Variants in GPR160 observed in about 807,000 individuals in gnomAD.
GPR160 encodes G protein-coupled receptor 160.
A neutral mutation model predicts 2.6 loss-of-function variants in GPR160; 2 were observed. The ratio of observed to expected loss-of-function variants is 0.77; its 90% CI spans 0.32 to 2.44. The LOEUF (loss-of-function observed/expected upper bound fraction) is 2.44. GPR160 is among the 30% of genes most tolerant of loss of function. The pLI, the probability that GPR160 is intolerant of heterozygous loss-of-function variation, is 0.11. For synonymous variants in GPR160, 130 were observed against 132.2 expected, an observed-to-expected ratio of 0.98 and a Z score of 0.12; for missense variants, 351 against 383.6, an observed-to-expected ratio of 0.91 and a Z score of 0.71.
chr3:170,046,736 A>G (rs1716737297), intron 2 of GPR160, among the ~76,000 whole-genome samples: 1 of 152,100 alleles, frequency 6.6e-6, no homozygotes, highest in Admixed American at 6.5e-5. Context: ...ATCTGGTTTG[A>G]TCTTTAAACT....
At position 170,085,078 on chromosome 3, in the gene GPR160, A is replaced by AAAC. The variant is rs200687969; in HGVS notation, c.*93_*95dup. ...ACATATTAAAAAATAAACTGAACTA[A>AAAC]AACAACTTTTGCCCCCTGACTGATA... On this transcript the variant is annotated 3_prime_UTR_variant, in exon 4 of 4. Coordinates refer to ENST00000355897, the MANE Select transcript of GPR160 (RefSeq NM_014373.3). 1.5e-6 allele frequency: 1 copy of AAAC among 674,644 alleles called. No homozygotes were observed. Among genetic ancestry groups the AAAC allele is most frequent in the African/African-American group, 1.9e-5 (1 of 52,960 alleles). 41.8% of individuals were successfully genotyped at this position (674,644 alleles called of 1,614,324 possible). A position where few individuals can be genotyped will look rare whatever the true frequency, so the allele number is the denominator to read the frequency against.
At position 170,085,166 on chromosome 3, in the gene GPR160, A is replaced by G; in HGVS notation, c.*177A>G. The stretch of plus-strand genomic sequence containing the variant: ...AGTTATTAAATAGTGTTTTATTTTA[A>G]AAACAAAATAATTCCAAGAAGTTTT... On this transcript the variant is annotated 3_prime_UTR_variant, in exon 4 of 4. Transcript: ENST00000355897. 2.5e-6 allele frequency: 1 copy of G among 406,644 alleles called. No homozygotes were observed. 25.2% of individuals were successfully genotyped at this position (406,644 alleles called of 1,614,324 possible). A position where few individuals can be genotyped will look rare whatever the true frequency, so the allele number is the denominator to read the frequency against.
intron 2 of GPR160, among the ~76,000 whole-genome samples, chr3:170,053,131 A>G (rs1717031017): frequency 1.3e-5 from 2 of 152,204 alleles, no homozygotes; most frequent in South Asian, 4.1e-4. Context: ...TTGTATTTTC[A>G]TATATATTTT....
intron 2 of GPR160, among the ~76,000 whole-genome samples, chr3:170,073,723 T>C (rs1381628247): frequency 6.6e-6 from 1 of 152,162 alleles, no homozygotes; most frequent in Non-Finnish European, 1.5e-5. Flanking sequence ...GTCTTTGGTA[T>C]CAAGGTAATT....
intron 2 of GPR160, among the ~76,000 whole-genome samples, chr3:170,076,755 G>T (rs953928514): frequency 6.6e-6 from 1 of 152,104 alleles, no homozygotes; most frequent in Admixed American, 6.5e-5. Flanking sequence ...TGTTGACCAG[G>T]CTGGTCTTGA....
intron 2 of GPR160, among the ~76,000 whole-genome samples, chr3:170,044,075 G>A (rs965177880): frequency 3.3e-5 from 5 of 151,292 alleles, no homozygotes; most frequent in African/African-American, 1.2e-4. Flanking sequence ...AAATGGGAAA[G>A]ACACTTTGGG....
At chr3:170,072,923 T>C (rs1334601508) in intron 2 of GPR160, among the ~76,000 whole-genome samples, 1 of 152,214 alleles carries the variant, frequency 6.6e-6, no homozygotes, top group East Asian at 1.9e-4. Context: ...AGCTCATGCT[T>C]GTAATTCCAG....
intron 2 of GPR160, among the ~76,000 whole-genome samples, chr3:170,071,595 C>G (rs760453784): frequency 6.6e-5 from 10 of 151,998 alleles, no homozygotes; most frequent in Non-Finnish European, 1.2e-4. Context: ...GAATTCAAGA[C>G]CAGCTAGCCA....
intron 2 of GPR160, among the ~76,000 whole-genome samples, chr3:170,079,129 T>G (rs1052615036): frequency 6.6e-6 from 1 of 152,250 alleles, no homozygotes; most frequent in Non-Finnish European, 1.5e-5. Context: ...TTCGGCATTA[T>G]GTCTGTACTG....
chr3:170,043,782 C>T (rs776425851), intron 2 of GPR160, among the ~76,000 whole-genome samples: 2 of 151,820 alleles, frequency 1.3e-5, no homozygotes, highest in Non-Finnish European at 2.9e-5. Context: ...GATGTTCTGT[C>T]GGGCCAGCAT....
rs148011885 is a variant in GPR160, at chr3:170,070,406, T to C, written c.-192-9368T>C. Among the ~76,000 whole-genome samples, 197 of 152,364 alleles carry C rather than the reference T, an allele frequency of 1.3e-3. 2 individuals carry two copies. The highest frequency in any genetic ancestry group is 4.5e-3 in the African/African-American group (189 of 41,592). On this transcript the variant is annotated intron_variant, in intron 2 of 3. Transcript: ENST00000355897. ...TTTTTTGGCAAGCCCACTTTGTAGA[T>C]AGCAAGGTACTCTTCAATTTCCACC...
At chr3:170,082,244 A>G (rs1043233782) in intron 3 of GPR160, among the ~76,000 whole-genome samples, 2 of 152,208 alleles carry the variant, frequency 1.3e-5, no homozygotes, top group Admixed American at 6.5e-5. Flanking sequence ...CATTTCACTT[A>G]ACATACTGTG....
At chr3:170,068,282 T>C (rs1311973509) in intron 2 of GPR160, among the ~76,000 whole-genome samples, 1 of 152,144 alleles carries the variant, frequency 6.6e-6, no homozygotes, top group African/African-American at 2.4e-5. Flanking sequence ...GTAGCTGGTA[T>C]TACAGGCGTG....
intron 2 of GPR160, among the ~76,000 whole-genome samples, chr3:170,067,979 C>A (rs1712426735): frequency 6.6e-6 from 1 of 152,058 alleles, no homozygotes; most frequent in South Asian, 2.1e-4. Flanking sequence ...CTCAGGTTTG[C>A]CATATAGGAG....
At chr3:170,062,315 G>T in intron 2 of GPR160, 1 of 210,774 alleles carries the variant, frequency 4.7e-6, no homozygotes, top group South Asian at 7.0e-5. Flanking sequence ...CGAGCCCGCA[G>T]ATAGTGGAGC....
chr3:170,051,456 G>T (rs1716954406), intron 2 of GPR160, among the ~76,000 whole-genome samples: 1 of 152,202 alleles, frequency 6.6e-6, no homozygotes, highest in Admixed American at 6.5e-5. Context: ...TGGGTGCAGT[G>T]GCTCACACCT....
At chr3:170,061,068 A>G (rs1711924899) in intron 2 of GPR160, among the ~76,000 whole-genome samples, 1 of 152,152 alleles carries the variant, frequency 6.6e-6, no homozygotes. Context: ...TGAAGTCAGG[A>G]GTTCAAGACC....
rs534876990 is a variant in GPR160 at position 170,062,695 on chromosome 3, G to A, written c.-192-17079G>A. On this transcript the variant is annotated intron_variant, in intron 2 of 3. Transcript: ENST00000355897. ...TGAAATAGCCCATCAAGGGCAAACAGGCCCCCGAAAAAAAGCTCAAGGAAA... is the reference window on the plus strand; with the variant it reads ...TGAAATAGCCCATCAAGGGCAAACAAGCCCCCGAAAAAAAGCTCAAGGAAA... The A allele has an allele frequency of 7.4e-5, 106 of 1,425,692 alleles. 1 individual carries two copies. The South Asian group carries it at 1.2e-3, about 16-fold the overall frequency. 88.3% of individuals were successfully genotyped at this position (1,425,692 alleles called of 1,614,324 possible). A position where few individuals can be genotyped will look rare whatever the true frequency, so the allele number is the denominator to read the frequency against.
chr3:170,066,390 C>T (rs550220474), intron 2 of GPR160, among the ~76,000 whole-genome samples: 4 of 152,122 alleles, frequency 2.6e-5, no homozygotes, highest in African/African-American at 7.2e-5. Flanking sequence ...TCGCCCGCCT[C>T]GGCCTCCCAA....
Sources: gnomAD v4.1 joint callset for allele counts (sites outside exome capture counted in the v4.1 genomes callset) on GRCh38, gnomAD v4.1.1 for gene constraint, MANE v1.5 for transcripts, NCBI Gene and HGNC (gene_info 2026-07-23, HGNC 2026-07-21) for gene names.